SPATA17: variants seen among roughly 807,000 people sequenced by gnomAD.
The protein encoded by SPATA17 is spermatogenesis-associated protein 17.
SPATA17 carries 53 observed loss-of-function variants against 62.2 expected under a neutral mutation model. That is an observed-to-expected ratio of 0.85 (90% confidence interval 0.68 to 1.07). SPATA17 has a LOEUF of 1.07. Ranked by LOEUF, SPATA17 falls within the 50% of genes least tolerant of loss-of-function variation. The probability of loss-of-function intolerance (pLI) is 0.00; values close to 1 mark genes in which losing one functional copy is unlikely to be tolerated. For missense variants in SPATA17, 466 were observed against 425.5 expected, an observed-to-expected ratio of 1.10 and a Z score of -0.84; for synonymous variants, 146 against 146.8, an observed-to-expected ratio of 0.99 and a Z score of 0.04.
At chr1:217,843,049 C>A (rs1675447054) in intron 9 of SPATA17, among the ~76,000 whole-genome samples, 1 of 151,464 alleles carries the variant, frequency 6.6e-6, no homozygotes, top group South Asian at 2.1e-4. Context: ...TATTAATGTA[C>A]TAATTTATGT....
At chr1:217,782,022 C>A in intron 7 of SPATA17, 152 bp from the exon 8 acceptor site, 2 of 613,424 alleles carry the variant, frequency 3.3e-6, no homozygotes, top group South Asian at 5.6e-5. Context: ...GATATTATGT[C>A]ATGCATATTC....
At chr1:217,703,713 C>T (rs57701107) in intron 5 of SPATA17, among the ~76,000 whole-genome samples, 1,679 of 152,284 alleles carry the variant, frequency 0.011, 28 homozygotes, top group African/African-American at 0.032. Context: ...GGAAAATTCT[C>T]AGCCATACTG....
At chr1:217,847,883 T>G (rs772080541) in intron 9 of SPATA17, among the ~76,000 whole-genome samples, 1 of 151,740 alleles carries the variant, frequency 6.6e-6, no homozygotes. Flanking sequence ...AATAAAAAAA[T>G]TAGTTGGGCA....
In SPATA17 at chr1:217,631,371, A is replaced by C. The variant is rs775495074; in HGVS notation, c.-8A>C. ...TAACACCAGTTGTAAACCCAAGGCC[A>C]AGAGACCATGGCCACGTTAGCCCGG... On this transcript the variant is annotated 5_prime_UTR_variant, in exon 1 of 11. Coordinates refer to ENST00000366933, the MANE Select transcript of SPATA17 (RefSeq NM_138796.4). 4 of 1,614,170 alleles carry C rather than the reference A, an allele frequency of 2.5e-6. No homozygotes were observed. Among genetic ancestry groups the C allele is most frequent in the Non-Finnish European group, 1.7e-6 (2 of 1,180,006 alleles).
intron 4 of SPATA17, among the ~76,000 whole-genome samples, chr1:217,671,510 AC>A (rs947447470): frequency 3.3e-5 from 5 of 151,982 alleles, no homozygotes; most frequent in Admixed American, 1.3e-4. Flanking sequence ...TGCAGTAGTC[AC>A]CCTCCCACTT....
intron 3 of SPATA17, among the ~76,000 whole-genome samples, chr1:217,655,843 G>A (rs1189052063): frequency 1.3e-5 from 2 of 152,156 alleles, no homozygotes; most frequent in Admixed American, 6.6e-5. Flanking sequence ...TAACCAGGAC[G>A]ACCAAGAAAT....
chr1:217,851,621 G>T (rs1196357116), intron 9 of SPATA17, among the ~76,000 whole-genome samples: 2 of 152,054 alleles, frequency 1.3e-5, no homozygotes, highest in African/African-American at 4.8e-5. Context: ...CTGCTTGAAG[G>T]GTAAGATTAA....
intron 3 of SPATA17, among the ~76,000 whole-genome samples, chr1:217,664,570 C>G (rs1670649953): frequency 6.6e-6 from 1 of 152,054 alleles, no homozygotes; most frequent in Non-Finnish European, 1.5e-5. Flanking sequence ...GCTGGGAATA[C>G]AGGCGTAAAC....
chr1:217,675,825 T>C (rs1670935117), intron 4 of SPATA17, among the ~76,000 whole-genome samples: 1 of 152,132 alleles, frequency 6.6e-6, no homozygotes, highest in Admixed American at 6.5e-5. Context: ...TAAATGAAAG[T>C]GTTAGACATT....
intron 4 of SPATA17, among the ~76,000 whole-genome samples, chr1:217,682,214 T>G (rs1671100705): frequency 6.6e-6 from 1 of 152,082 alleles, no homozygotes; most frequent in Non-Finnish European, 1.5e-5. Context: ...GTTTTTCAGA[T>G]AGGGGTATTA....
intron 8 of SPATA17, among the ~76,000 whole-genome samples, chr1:217,789,366 G>A (rs746287476): frequency 1.3e-5 from 2 of 152,078 alleles, no homozygotes; most frequent in Non-Finnish European, 2.9e-5. Flanking sequence ...TTAGATAGGG[G>A]CCTTGGTAAA....
At chr1:217,673,872 A>C (rs1670887127) in intron 4 of SPATA17, among the ~76,000 whole-genome samples, 1 of 152,120 alleles carries the variant, frequency 6.6e-6, no homozygotes, top group African/African-American at 2.4e-5. Context: ...TTCCATCCTA[A>C]AGTCTATTTC....
intron 6 of SPATA17, among the ~76,000 whole-genome samples, chr1:217,747,324 C>G (rs2102952387): frequency 6.6e-6 from 1 of 152,154 alleles, no homozygotes; most frequent in South Asian, 2.1e-4. Context: ...CTTTCATTCC[C>G]TTGCCCTTGT....
chr1:217,781,284 C>G (rs893983833), intron 7 of SPATA17: 1 of 152,176 alleles, frequency 6.6e-6, no homozygotes, highest in African/African-American at 2.4e-5. Flanking sequence ...TAGTGATAAC[C>G]TATTTAAAGA....
rs140552696 is a variant in SPATA17 at position 217,634,897 on chromosome 1, T to TTTGTTG, written c.68+3484_68+3489dup. Reference sequence around the variant, plus strand: ...TGTCACTTGACAGAGTATTGGCCTTTTTGTTGTTGTTGTTGTTGTTGTTGT... The same window carrying TTTGTTG: ...TGTCACTTGACAGAGTATTGGCCTTTTTGTTGTTGTTGTTGTTGTTGTTGTTGTTGT... On this transcript the variant is annotated intron_variant, in intron 1 of 10. Coordinates refer to ENST00000366933, the MANE Select transcript of SPATA17 (RefSeq NM_138796.4). Among the ~76,000 whole-genome samples the TTTGTTG allele has an allele frequency of 2.4e-3, 367 of 150,060 alleles. 1 individual carries two copies. Among genetic ancestry groups the TTTGTTG allele is most frequent in the African/African-American group, 6.7e-3 (275 of 40,762 alleles).
chr1:217,820,757 A>G (rs528716151), intron 9 of SPATA17, among the ~76,000 whole-genome samples: 3 of 152,180 alleles, frequency 2.0e-5, no homozygotes, highest in Admixed American at 2.0e-4. Flanking sequence ...ACAAAATTGA[A>G]TATATTTGGT....
At chr1:217,662,276 G>A (rs1670588754) in intron 3 of SPATA17, among the ~76,000 whole-genome samples, 1 of 151,948 alleles carries the variant, frequency 6.6e-6, no homozygotes, top group Admixed American at 6.6e-5. Flanking sequence ...TTTGATATGA[G>A]GTGTTATAAA....
At chr1:217,700,762 C>CTTTTTTTTT (rs71556698) in intron 5 of SPATA17, among the ~76,000 whole-genome samples, 8 of 134,804 alleles carry the variant, frequency 5.9e-5, no homozygotes, top group Non-Finnish European at 7.8e-5. Context: ...TTTTCTTTTT[C>CTTTTTTTTT]TTTTTTTTTT....
intron 9 of SPATA17, among the ~76,000 whole-genome samples, chr1:217,837,021 G>A (rs1436938311): frequency 6.6e-6 from 1 of 152,038 alleles, no homozygotes; most frequent in East Asian, 1.9e-4. Context: ...AGAATTGTGG[G>A]AGTAAAGCCT....
Sources: allele counts gnomAD v4.1 joint callset (sites outside exome capture counted in the v4.1 genomes callset), GRCh38; gene constraint gnomAD v4.1.1; transcripts MANE v1.5; gene names NCBI Gene and HGNC (gene_info 2026-07-23, HGNC 2026-07-21).